TET2: variants seen among roughly 807,000 people sequenced by gnomAD.
TET2 encodes the protein tet methylcytosine dioxygenase 2, also known as methylcytosine dioxygenase TET2.
In TET2, 299 loss-of-function variants were observed where a neutral mutation model predicts 142.9. That is an observed-to-expected ratio of 2.09 (90% CI 1.90 to 2.30). The LOEUF (loss-of-function observed/expected upper bound fraction) is 2.30, where lower values mean the gene tolerates loss of function less well. Ranked by LOEUF, TET2 falls within the 30% of genes most tolerant of loss-of-function variation. The pLI is 0.00. For synonymous variants in TET2, 819 were observed against 849.0 expected, an observed-to-expected ratio of 0.96 and a Z score of 0.61; for missense variants, 2,418 against 2,378.0, an observed-to-expected ratio of 1.02 and a Z score of -0.35.
intron 1 of TET2, among the ~76,000 whole-genome samples, chr4:105,186,941 T>TTTG (rs1304257554): frequency 1.3e-5 from 2 of 152,198 alleles, no homozygotes; most frequent in Non-Finnish European, 2.9e-5. Flanking sequence ...GACTATTCTA[T>TTTG]TTGTTGGGGA....
At chr4:105,243,011 G>C (rs1729388070) in intron 5 of TET2, 84 bp downstream of exon 5, 1 of 1,065,204 alleles carries the variant, frequency 9.4e-7, no homozygotes, top group African/African-American at 1.6e-5. Flanking sequence ...GGGTTACCCA[G>C]ATCAAAGACT....
intron 8 of TET2, among the ~76,000 whole-genome samples, chr4:105,265,956 G>T (rs1035774178): frequency 1.3e-5 from 2 of 152,156 alleles, no homozygotes; most frequent in Non-Finnish European, 2.9e-5. Flanking sequence ...TCAAAATTTG[G>T]AGAGGCCAAG....
rs139442940 is a variant in TET2, at chr4:105,250,714, A to G, written c.3803+6936A>G. On this transcript the variant is annotated intron_variant, in intron 6 of 10. Coordinates refer to ENST00000380013, the MANE Select transcript of TET2 (RefSeq NM_001127208.3). ...TCCTGCACTTTTTATTTTTTTTAAGACAGAGTCTTGCTCTGCTGCCCAGTC... is the reference window on the plus strand; with the variant it reads ...TCCTGCACTTTTTATTTTTTTTAAGGCAGAGTCTTGCTCTGCTGCCCAGTC... 9.2e-5 allele frequency among the ~76,000 whole-genome samples: 14 copies of G among 151,864 alleles called. No homozygotes were observed. In the East Asian group the frequency reaches 1.4e-3, roughly 15 times the overall value.
Position 105,276,443 on chromosome 4 carries a change from T to C in TET2, c.5933T>C (p.Val1978Ala). 1.3e-6 allele frequency: 2 copies of C among 1,551,892 alleles called. No homozygotes were observed. The highest frequency in any genetic ancestry group is 1.7e-6 in the Non-Finnish European group (2 of 1,147,024). The change falls in exon 11 of 11, where the codon GTG becomes GCG. Residue 1978 changes from valine (V) to alanine (A), a missense_variant. Coordinates refer to ENST00000380013, the MANE Select transcript of TET2 (RefSeq NM_001127208.3). ...TCTCTTGCCGAAAGGACCATGTCCG[T>C]GACCACAGACTCCACAGTAACTACA... is the stretch of plus-strand genomic sequence containing the variant. ...IKSLAERTMS[V>A]TTDSTVTTSP...
At chr4:105,220,609 A>C (rs1328505909) in intron 2 of TET2, among the ~76,000 whole-genome samples, 1 of 152,150 alleles carries the variant, frequency 6.6e-6, no homozygotes, top group African/African-American at 2.4e-5. Context: ...AAAGGAGCTC[A>C]GGGCTCCTTA....
At chr4:105,156,141 T>C (rs1723555828) in intron 1 of TET2, among the ~76,000 whole-genome samples, 1 of 152,232 alleles carries the variant, frequency 6.6e-6, no homozygotes, top group Non-Finnish European at 1.5e-5. Context: ...AGTGTAGTAC[T>C]TCATCTTTGC....
At chr4:105,261,556 G>A (rs1730428714) in intron 7 of TET2, among the ~76,000 whole-genome samples, 1 of 151,612 alleles carries the variant, frequency 6.6e-6, no homozygotes. Flanking sequence ...TCAATCTTAT[G>A]AAAAAAACAA....
chr4:105,261,572 T>C (rs1294958181), intron 7 of TET2, among the ~76,000 whole-genome samples, 187 bp from the exon 8 acceptor site: 1 of 152,066 alleles, frequency 6.6e-6, no homozygotes, highest in Non-Finnish European at 1.5e-5. Context: ...AACAAATAGC[T>C]AGATATTTAC....
At position 105,203,298 on chromosome 4, in the gene TET2, C is replaced by T. The variant is rs144820298; in HGVS notation, c.-47+12793C>T. Among the ~76,000 whole-genome samples, 387 of 152,258 alleles carry T rather than the reference C, an allele frequency of 2.5e-3. 3 individuals are homozygous for T. The highest frequency in any genetic ancestry group is 9.0e-3 in the African/African-American group (372 of 41,536). On this transcript the variant is annotated intron_variant, in intron 2 of 10. Transcript: ENST00000380013. ...GACTCATATTTGGCCTATATAATTA[C>T]ATTAGAATAAACAAAGCACCAAAAG...
At chr4:105,253,831 AG>A (rs2110274463) in intron 6 of TET2, among the ~76,000 whole-genome samples, 1 of 152,298 alleles carries the variant, frequency 6.6e-6, no homozygotes, top group Non-Finnish European at 1.5e-5. Context: ...TATCAGGTTC[AG>A]GTAGTTCCCC....
chr4:105,229,797 A>G (rs887670441), intron 2 of TET2, among the ~76,000 whole-genome samples: 8 of 151,942 alleles, frequency 5.3e-5, no homozygotes, highest in African/African-American at 1.5e-4. Context: ...TTACAAAGGT[A>G]TAGGTTGTAG....
chr4:105,216,699 TG>T (rs1487471739), intron 2 of TET2, among the ~76,000 whole-genome samples: 1 of 152,088 alleles, frequency 6.6e-6, no homozygotes, highest in Non-Finnish European at 1.5e-5. Flanking sequence ...ATCCTGTTTT[TG>T]TTCTATGAAA....
chr4:105,229,110 A>T (rs1728345565), intron 2 of TET2, among the ~76,000 whole-genome samples: 1 of 152,180 alleles, frequency 6.6e-6, no homozygotes, highest in Non-Finnish European at 1.5e-5. Context: ...GTGTTTTTTT[A>T]ACACTAAATC....
At chr4:105,249,760 A>G (rs1729773291) in intron 6 of TET2, among the ~76,000 whole-genome samples, 1 of 152,086 alleles carries the variant, frequency 6.6e-6, no homozygotes. Context: ...TATGTTTTTA[A>G]TTGTATTATT....
intron 6 of TET2, among the ~76,000 whole-genome samples, chr4:105,245,052 G>T (rs1229505716): frequency 6.6e-6 from 1 of 152,182 alleles, no homozygotes; most frequent in Non-Finnish European, 1.5e-5. Flanking sequence ...AGCCAAATTT[G>T]TCCTTTGCTG....
intron 2 of TET2, 44 bp from the exon 3 acceptor site, chr4:105,233,850 ATAG>A: frequency 1.0e-6 from 1 of 954,108 alleles, no homozygotes; most frequent in Non-Finnish European, 1.5e-6. Context: ...AGATAGATAG[ATAG>A]ATAGAAATAA....
intron 10 of TET2, 99 bp from the exon 11 acceptor site, chr4:105,274,949 G>A (rs1731125103): frequency 1.4e-6 from 2 of 1,404,052 alleles, no homozygotes; most frequent in South Asian, 1.6e-5. Flanking sequence ...TATCACTAGT[G>A]GAGTTTCTTA....
intron 6 of TET2, among the ~76,000 whole-genome samples, chr4:105,252,938 G>C (rs541641476): frequency 6.6e-6 from 1 of 152,236 alleles, no homozygotes; most frequent in Non-Finnish European, 1.5e-5. Flanking sequence ...AAGATCAGTT[G>C]ATTATAATTA....
chr4:105,204,261 A>ACG (rs1243785077), intron 2 of TET2, among the ~76,000 whole-genome samples: 1 of 143,762 alleles, frequency 7.0e-6, no homozygotes, highest in African/African-American at 2.9e-5. Flanking sequence ...ACACACACAC[A>ACG]CACACACATA....
Sources: allele counts gnomAD v4.1 joint callset (sites outside exome capture counted in the v4.1 genomes callset), GRCh38; gene constraint gnomAD v4.1.1; transcripts MANE v1.5; gene names NCBI Gene and HGNC (gene_info 2026-07-23, HGNC 2026-07-21).